EIF3B: variants seen among roughly 807,000 people sequenced by gnomAD.
EIF3B encodes the protein eukaryotic translation initiation factor 3 subunit B, also known as eukaryotic translation initiation factor 3 subunit 9.
A neutral mutation model predicts 104.6 loss-of-function variants in EIF3B; 10 were observed. The observed-to-expected ratio is 0.10, with a 90% confidence interval of 0.06 to 0.16. The LOEUF (loss-of-function observed/expected upper bound fraction) is 0.16. Ranked by LOEUF, EIF3B falls within the 10% of genes least tolerant of loss-of-function variation. EIF3B has a pLI of 1.00. For missense variants in EIF3B, 1,014 were observed against 1,087.9 expected (o/e 0.93, Z 0.96); for synonymous variants, 542 against 417.2 (o/e 1.30, Z -3.65).
rs149830330 is a variant in EIF3B, at chr7:2,363,619, C to CTT, written c.871-11_871-10dup. The stretch of plus-strand genomic sequence containing the variant: ...ATTAATGAAATGTTATATTCCTTGT[C>CTT]TTTGTTTTTAAGGGGAACTTACGTT... On this transcript the variant is annotated splice_polypyrimidine_tract_variant and intron_variant, in intron 4 of 18. Coordinates refer to ENST00000360876, the MANE Select transcript of EIF3B (RefSeq NM_001037283.2). 6,954 of 1,591,768 alleles carry CTT rather than the reference C, an allele frequency of 4.4e-3. 263 individuals carry two copies. The African/African-American group carries it at 0.083, about 19-fold the overall frequency.
chr7:2,365,502 G>A (rs976625955), intron 6 of EIF3B, among the ~76,000 whole-genome samples: 2 of 152,130 alleles, frequency 1.3e-5, no homozygotes, highest in Admixed American at 6.6e-5. Context: ...GTAAGGGACC[G>A]TCTGTTACAC....
intron 6 of EIF3B, among the ~76,000 whole-genome samples, chr7:2,365,712 G>A (rs1196198635): frequency 2.1e-5 from 3 of 140,816 alleles, no homozygotes; most frequent in Non-Finnish European, 3.0e-5. Flanking sequence ...AGTTTCATGC[G>A]TCGCCCAGAC....
At chr7:2,370,662 G>A (rs1016043383) in intron 10 of EIF3B, among the ~76,000 whole-genome samples, 4 of 152,206 alleles carry the variant, frequency 2.6e-5, no homozygotes, top group South Asian at 2.1e-4. Flanking sequence ...ATTTCAGAAC[G>A]TTTTCATCGG....
rs1236435685 is a variant in EIF3B at position 2,372,755 on chromosome 7, T to C, written c.1770T>C (p.Ser590=). ...LHGEAPRISV[S]FYHVKNNGKI... ...GAGAGGCTCCGCGGATATCTGTGTC[T>C]TTCTACCACGTCAAAAACAACGGGA... Residue 590 remains serine (S), a synonymous_variant, in exon 12 of 19, where the codon TCT becomes TCC. Coordinates refer to ENST00000360876, the MANE Select transcript of EIF3B (RefSeq NM_001037283.2). 1.9e-6 allele frequency: 3 copies of C among 1,614,206 alleles called. No individual in the cohort carries two copies. The South Asian group carries it at 3.3e-5, about 18-fold the overall frequency.
chr7:2,367,966 C>T (rs1296463061), intron 9 of EIF3B, among the ~76,000 whole-genome samples: 1 of 148,908 alleles, frequency 6.7e-6, no homozygotes, highest in African/African-American at 2.5e-5. Flanking sequence ...CCTTAGACTC[C>T]CAAGTAGCTG....
At chr7:2,367,670 A>T (rs1226157835) in intron 9 of EIF3B, among the ~76,000 whole-genome samples, 1 of 151,632 alleles carries the variant, frequency 6.6e-6, no homozygotes, top group South Asian at 2.1e-4. Context: ...GGGTTTCACC[A>T]TGTTGGCTGG....
In EIF3B at chr7:2,369,765, ATTTTTTTTTTTTTTTTTT is replaced by A. The variant is rs552367791; in HGVS notation, c.1614+96_1614+113del. ...CGTATTGTTTGGAGGGTGTTAATGG[ATTTTTTTTTTTTTTTTTT>A]TTTTTTTTTTTTGAGATGGAGTCTC... On this transcript the variant is annotated intron_variant, in intron 10 of 18. Transcript: ENST00000360876. 1.2e-4 allele frequency: 45 copies of A among 366,234 alleles called. No individual in the cohort carries two copies. The East Asian group carries it at 2.1e-3, about 17-fold the overall frequency. 22.7% of individuals were successfully genotyped at this position (366,234 alleles called of 1,614,324 possible). A position where few individuals can be genotyped will look rare whatever the true frequency, so the allele number is the denominator to read the frequency against.
intron 15 of EIF3B, among the ~76,000 whole-genome samples, chr7:2,377,346 C>T (rs948819541): frequency 3.3e-5 from 5 of 152,224 alleles, no homozygotes; most frequent in African/African-American, 1.2e-4. Context: ...AAAAGTCCTG[C>T]TGGGATTAGA....
chr7:2,356,427 C>T (rs1216671161), intron 1 of EIF3B, among the ~76,000 whole-genome samples: 1 of 151,864 alleles, frequency 6.6e-6, no homozygotes, highest in Non-Finnish European at 1.5e-5. Flanking sequence ...CGGTGAAACC[C>T]CGTCTCTACT....
At chr7:2,374,820 C>A (rs938612351) in intron 13 of EIF3B, 11 of 452,434 alleles carry the variant, frequency 2.4e-5, no homozygotes, top group Non-Finnish European at 3.9e-5. Flanking sequence ...ATAAGCGCTC[C>A]CAGATGCTTT....
At chr7:2,371,399 A>G (rs572673642) in intron 10 of EIF3B, among the ~76,000 whole-genome samples, 181 of 152,238 alleles carry the variant, frequency 1.2e-3, no homozygotes, top group African/African-American at 4.1e-3. Flanking sequence ...GCTACAGGAC[A>G]CCCCACTGTC....
chr7:2,366,909 G>A (rs1396685158), intron 8 of EIF3B, 90 bp from the exon 9 acceptor site: 6 of 1,393,564 alleles, frequency 4.3e-6, no homozygotes, highest in African/African-American at 4.3e-5. Flanking sequence ...ACTCACATCA[G>A]ACTCTTGTTT....
At chr7:2,359,960 C>G (rs1319453246) in intron 1 of EIF3B, among the ~76,000 whole-genome samples, 3 of 152,142 alleles carry the variant, frequency 2.0e-5, no homozygotes, top group African/African-American at 7.2e-5. Flanking sequence ...GCTTTTTAAC[C>G]TAAGGAATAT....
In EIF3B at chr7:2,372,735, G is replaced by T. The variant is rs776784371; in HGVS notation, c.1750G>T (p.Ala584Ser). 3 of 1,613,998 alleles carry T rather than the reference G, an allele frequency of 1.9e-6. No individual in the cohort carries two copies. The highest frequency in any genetic ancestry group is 2.5e-6 in the Non-Finnish European group (3 of 1,179,986). Reference protein sequence around the residue: ...GSKFAVLHGEAPRISVSFYHV... With the variant: ...GSKFAVLHGESPRISVSFYHV... ...TAAGTTTGCTGTGCTGCACGGAGAG[G>T]CTCCGCGGATATCTGTGTCTTTCTA... The change falls in exon 12 of 19, where the codon GCT becomes TCT. Residue 584 changes from alanine (A) to serine (S), a missense_variant. By Grantham distance (99) the Ala-to-Ser change is moderately conservative (BLOSUM62 1). Transcript: ENST00000360876.
intron 11 of EIF3B, 104 bp downstream of exon 11, chr7:2,371,953 G>A: frequency 2.2e-6 from 2 of 913,852 alleles, no homozygotes; most frequent in East Asian, 2.4e-5. Flanking sequence ...GCTGAGTCAG[G>A]ACTGTGAGCC....
At chr7:2,362,527 A>G in intron 2 of EIF3B, 118 bp from the exon 3 acceptor site, 1 of 1,286,476 alleles carries the variant, frequency 7.8e-7, no homozygotes, top group Non-Finnish European at 1.1e-6. Context: ...CGAGGCAGGA[A>G]GAGCAGCACA....
intron 10 of EIF3B, among the ~76,000 whole-genome samples, chr7:2,370,294 G>T (rs953624813): frequency 1.8e-4 from 27 of 151,798 alleles, no homozygotes; most frequent in African/African-American, 6.5e-4. Context: ...GGCCAACGTG[G>T]TGTGAAACCC....
chr7:2,355,456 G>C (rs373677746), intron 1 of EIF3B, 36 bp downstream of exon 1: 13 of 1,411,732 alleles, frequency 9.2e-6, no homozygotes, highest in South Asian at 8.8e-5. Context: ...CGAGCGGCGC[G>C]GGAGCGTGGC....
At chr7:2,380,058 C>T (rs532477262) in intron 18 of EIF3B, 146 bp from the exon 19 acceptor site, 46 of 291,100 alleles carry the variant, frequency 1.6e-4, no homozygotes, top group Non-Finnish European at 2.9e-4. Context: ...GGACCATGAG[C>T]GAGTAGGGGT....
Sources: gnomAD v4.1 joint callset for allele counts (sites outside exome capture counted in the v4.1 genomes callset) on GRCh38, gnomAD v4.1.1 for gene constraint, MANE v1.5 for transcripts, NCBI Gene and HGNC (gene_info 2026-07-23, HGNC 2026-07-21) for gene names.